THSD7B: variants seen among roughly 807,000 people sequenced by gnomAD.
The protein encoded by THSD7B is thrombospondin type-1 domain-containing protein 7B.
A neutral mutation model predicts 213.6 loss-of-function variants in THSD7B; 138 were observed. The ratio of observed to expected loss-of-function variants is 0.65; its 90% CI spans 0.56 to 0.74. The LOEUF (loss-of-function observed/expected upper bound fraction) is 0.74, where lower values mean the gene tolerates loss of function less well. Ranked by LOEUF, THSD7B falls within the 30% of genes least tolerant of loss-of-function variation. The pLI is 0.00. For synonymous variants in THSD7B, 742 were observed against 687.0 expected (o/e 1.08, Z -1.25); for missense variants, 1,931 against 1,991.5 (o/e 0.97, Z 0.58).
At chr2:137,531,211 C>T (rs762698327) in intron 15 of THSD7B, among the ~76,000 whole-genome samples, 1 of 151,926 alleles carries the variant, frequency 6.6e-6, no homozygotes, top group Non-Finnish European at 1.5e-5. Flanking sequence ...GAATAGCACT[C>T]AATTAATAAT....
At chr2:136,807,509 G>GTTT (rs777353589) in intron 1 of THSD7B, among the ~76,000 whole-genome samples, 2 of 104,896 alleles carry the variant, frequency 1.9e-5, no homozygotes, top group Non-Finnish European at 3.7e-5. Flanking sequence ...AAAATGTTTC[G>GTTT]TTTTTTTTTT....
At chr2:136,950,561 C>T (rs573267236) in intron 2 of THSD7B, among the ~76,000 whole-genome samples, 3 of 152,210 alleles carry the variant, frequency 2.0e-5, no homozygotes, top group South Asian at 4.2e-4. Flanking sequence ...CGTGACTTTA[C>T]GTCTGATTCT....
intron 2 of THSD7B, among the ~76,000 whole-genome samples, chr2:137,048,038 C>T (rs1217889680): frequency 1.3e-5 from 2 of 152,060 alleles, no homozygotes; most frequent in Non-Finnish European, 2.9e-5. Flanking sequence ...AGGTATTTCT[C>T]CTAATGCTAT....
intron 2 of THSD7B, among the ~76,000 whole-genome samples, chr2:136,936,975 A>T (rs1684745150): frequency 6.6e-6 from 1 of 152,176 alleles, no homozygotes; most frequent in South Asian, 2.1e-4. Context: ...TAAAAAAGAT[A>T]TAATGATAAA....
At chr2:137,468,502 C>A (rs891285973) in intron 15 of THSD7B, among the ~76,000 whole-genome samples, 1 of 151,488 alleles carries the variant, frequency 6.6e-6, no homozygotes, top group African/African-American at 2.4e-5. Flanking sequence ...TATCTTCTAT[C>A]GCCATTATGA....
chr2:136,781,670 C>G (rs1383587393), intron 1 of THSD7B, among the ~76,000 whole-genome samples: 1 of 152,070 alleles, frequency 6.6e-6, no homozygotes, highest in East Asian at 1.9e-4. Flanking sequence ...GGCATAGGCT[C>G]TCCATGCAGC....
At chr2:137,127,786 T>C (rs1225027969) in intron 5 of THSD7B, among the ~76,000 whole-genome samples, 1 of 151,994 alleles carries the variant, frequency 6.6e-6, no homozygotes, top group African/African-American at 2.4e-5. Context: ...GGCGTGGTGG[T>C]GCACACCTGT....
intron 12 of THSD7B, among the ~76,000 whole-genome samples, chr2:137,373,469 T>A (rs1685579428): frequency 6.6e-6 from 1 of 152,234 alleles, no homozygotes; most frequent in African/African-American, 2.4e-5. Context: ...CATTTTTTCA[T>A]GTGTTTTTTG....
At chr2:137,469,434 T>C (rs939122128) in intron 15 of THSD7B, among the ~76,000 whole-genome samples, 3 of 152,220 alleles carry the variant, frequency 2.0e-5, no homozygotes, top group Non-Finnish European at 4.4e-5. Flanking sequence ...TTTCCTGACT[T>C]ATTTCTTAAT....
intron 12 of THSD7B, among the ~76,000 whole-genome samples, chr2:137,378,297 A>G (rs1426976126): frequency 6.6e-6 from 1 of 152,178 alleles, no homozygotes; most frequent in Non-Finnish European, 1.5e-5. Context: ...TTGTAGAAGG[A>G]AAGACTTAAA....
chr2:136,867,874 T>C (rs1683369098), intron 1 of THSD7B, among the ~76,000 whole-genome samples: 1 of 152,198 alleles, frequency 6.6e-6, no homozygotes, highest in Non-Finnish European at 1.5e-5. Flanking sequence ...TAGAAAGTAT[T>C]TGTGTGTACA....
At chr2:137,289,787 T>C (rs1422579794) in intron 12 of THSD7B, among the ~76,000 whole-genome samples, 2 of 151,238 alleles carry the variant, frequency 1.3e-5, no homozygotes, top group Middle Eastern at 3.4e-3. Context: ...TGTACAATTA[T>C]GAAGAAAAAA....
intron 12 of THSD7B, among the ~76,000 whole-genome samples, chr2:137,404,518 T>TACACACACAC (rs547193552): frequency 7.3e-6 from 1 of 136,520 alleles, no homozygotes; most frequent in East Asian, 2.1e-4. Flanking sequence ...TATATGTATA[T>TACACACACAC]ACACACACAA....
chr2:136,944,505 G>A (rs1242993467), intron 2 of THSD7B, among the ~76,000 whole-genome samples: 4 of 152,100 alleles, frequency 2.6e-5, no homozygotes. Context: ...CATTATTACT[G>A]TGTGGGAGTC....
In THSD7B at chr2:136,800,333, G is replaced by T. The variant is rs969848276; in HGVS notation, c.-36+34646G>T. Among the ~76,000 whole-genome samples the T allele has an allele frequency of 1.3e-5, 2 of 151,872 alleles. 1 individual carries two copies. Among genetic ancestry groups the T allele is most frequent in the South Asian group, 4.1e-4 (2 of 4,828 alleles). On this transcript the variant is annotated intron_variant, in intron 1 of 27. Transcript: ENST00000409968. ...AGGTGATTAAGCATCATATTAAGTA[G>T]TGTGGCTTCTTGGCTTTGGCTATCT...
intron 1 of THSD7B, among the ~76,000 whole-genome samples, chr2:136,833,431 C>CTTTT (rs1232590751): frequency 1.1e-4 from 3 of 27,168 alleles, no homozygotes; most frequent in Admixed American, 7.9e-4. Context: ...TGATTATTTT[C>CTTTT]TATTTTTTTT....
At chr2:137,134,236 C>A (rs757827792) in intron 5 of THSD7B, among the ~76,000 whole-genome samples, 2 of 152,112 alleles carry the variant, frequency 1.3e-5, no homozygotes, top group Non-Finnish European at 2.9e-5. Flanking sequence ...CATGCTCTTA[C>A]CCGCTGTTTC....
At chr2:137,614,006 G>A (rs953119900) in intron 17 of THSD7B, among the ~76,000 whole-genome samples, 2 of 152,124 alleles carry the variant, frequency 1.3e-5, no homozygotes. Flanking sequence ...AAGATGAAGT[G>A]TGAAAATACT....
chr2:136,854,392 C>G (rs1247853913), intron 1 of THSD7B, among the ~76,000 whole-genome samples: 1 of 151,914 alleles, frequency 6.6e-6, no homozygotes, highest in African/African-American at 2.4e-5. Context: ...AGAAATGGCT[C>G]TTATTATCTT....
Sources: gnomAD v4.1 joint callset for allele counts (sites outside exome capture counted in the v4.1 genomes callset) on GRCh38, gnomAD v4.1.1 for gene constraint, MANE v1.5 for transcripts, NCBI Gene and HGNC (gene_info 2026-07-23, HGNC 2026-07-21) for gene names.